KLHL1: variants seen among roughly 807,000 people sequenced by gnomAD.
The protein encoded by KLHL1 is kelch like family member 1.
KLHL1 carries 47 observed loss-of-function variants against 77.7 expected under a neutral mutation model. The observed-to-expected ratio is 0.60, with a 90% confidence interval of 0.48 to 0.77. The LOEUF (loss-of-function observed/expected upper bound fraction) is 0.77, where lower values mean the gene tolerates loss of function less well. Ranked by LOEUF, KLHL1 falls within the 30% of genes least tolerant of loss-of-function variation. The probability of loss-of-function intolerance (pLI) is 0.00; values close to 1 mark genes in which losing one functional copy is unlikely to be tolerated. For missense variants in KLHL1, 925 were observed against 910.8 expected, an observed-to-expected ratio of 1.02 and a Z score of -0.20; for synonymous variants, 360 against 325.2, an observed-to-expected ratio of 1.11 and a Z score of -1.15.
rs967995542 is a variant in KLHL1, at chr13:70,108,040, G to A, written c.-341C>T. ...GCGAGGTGGGACAACCCTTAGGCTG[G>A]AGATGCGCGAGGGAGGGAGGTCTGA... On this transcript the variant is annotated 5_prime_UTR_variant, in exon 1 of 11. Coordinates refer to ENST00000377844, the MANE Select transcript of KLHL1 (RefSeq NM_020866.3). 2.8e-5 allele frequency: 12 copies of A among 427,088 alleles called. No homozygotes were observed. Among genetic ancestry groups the A allele is most frequent in the African/African-American group, 2.4e-4 (12 of 49,084 alleles). The allele number at this position is 427,088 out of a possible 1,614,324, so 26.5% of individuals were successfully genotyped here.
At chr13:70,071,083 A>C (rs747580619) in intron 1 of KLHL1, among the ~76,000 whole-genome samples, 2 of 152,062 alleles carry the variant, frequency 1.3e-5, no homozygotes, top group African/African-American at 2.4e-5. Flanking sequence ...TTTAAATATG[A>C]ATATTCTAAA....
At chr13:69,972,529 A>G (rs1242853653) in intron 2 of KLHL1, among the ~76,000 whole-genome samples, 2 of 151,924 alleles carry the variant, frequency 1.3e-5, no homozygotes. Flanking sequence ...ATCTGTTGAT[A>G]CATTTCAGAA....
Position 69,975,684 on chromosome 13 carries a change from A to G in KLHL1, c.616T>C (p.Leu206=), listed in dbSNP as rs748280993. 28 of 1,613,728 alleles carry G rather than the reference A, an allele frequency of 1.7e-5. No homozygotes were observed. Among genetic ancestry groups the G allele is most frequent in the East Asian group, 2.2e-5 (1 of 44,824 alleles). ...ACATCACAAAGTTGCTGCTGCTTCA[A>G]ATAACTTTCCATCTTTCTGAAGGTT... ...EQTFRKMESY[L]KQQQLCDVIL... Residue 206 remains leucine (L), a synonymous_variant, in exon 2 of 11, where the codon TTG becomes CTG. Transcript: ENST00000377844.
chr13:69,853,795 TGTTTC>T (rs993031148), intron 5 of KLHL1, among the ~76,000 whole-genome samples: 2 of 152,078 alleles, frequency 1.3e-5, no homozygotes, highest in African/African-American at 2.4e-5. Context: ...GTTTTTGTTT[TGTTTC>T]ATTTTTGCAT....
chr13:70,105,687 G>A lies in KLHL1; in HGVS notation c.497+1516C>T, dbSNP rs564892445. ...TCAACAAAAGGGTATAAAAATTTCAGTACATTTGATTTTTTAAATTATAAA... is the reference window on the plus strand; with the variant it reads ...TCAACAAAAGGGTATAAAAATTTCAATACATTTGATTTTTTAAATTATAAA... On this transcript the variant is annotated intron_variant, in intron 1 of 10. Transcript: ENST00000377844. Among the ~76,000 whole-genome samples, 3 of 151,172 alleles carry A rather than the reference G, an allele frequency of 2.0e-5. No homozygotes were observed. In the East Asian group the frequency reaches 5.9e-4, roughly 30 times the overall value.
intron 5 of KLHL1, among the ~76,000 whole-genome samples, chr13:69,870,529 C>T (rs888972101): frequency 6.6e-6 from 1 of 151,868 alleles, no homozygotes; most frequent in African/African-American, 2.4e-5. Context: ...ATCATCATGC[C>T]ACCCCAATTC....
chr13:69,894,624 A>G (rs1881563542), intron 4 of KLHL1: 1 of 158,794 alleles, frequency 6.3e-6, no homozygotes, highest in African/African-American at 2.4e-5. Flanking sequence ...TAATTCTAAA[A>G]AAGTTCAAAG....
intron 1 of KLHL1, among the ~76,000 whole-genome samples, chr13:70,100,061 T>A (rs1887888854): frequency 6.6e-6 from 1 of 152,022 alleles, no homozygotes; most frequent in African/African-American, 2.4e-5. Flanking sequence ...AATAAACTCA[T>A]CAATTTGTAA....
chr13:69,901,075 C>T (rs1396828507), intron 4 of KLHL1, among the ~76,000 whole-genome samples: 1 of 152,150 alleles, frequency 6.6e-6, no homozygotes, highest in East Asian at 1.9e-4. Flanking sequence ...AAACAAGAAA[C>T]TCATGTCATA....
At chr13:69,998,062 T>A (rs879645274) in intron 1 of KLHL1, among the ~76,000 whole-genome samples, 1 of 151,926 alleles carries the variant, frequency 6.6e-6, no homozygotes, top group Non-Finnish European at 1.5e-5. Context: ...AATTTTACAC[T>A]AAGAAAAAGG....
At chr13:70,099,868 TAAC>T (rs1477351941) in intron 1 of KLHL1, among the ~76,000 whole-genome samples, 2 of 152,022 alleles carry the variant, frequency 1.3e-5, no homozygotes, top group Non-Finnish European at 2.9e-5. Flanking sequence ...ATATGACTAT[TAAC>T]AAATTTATTT....
At chr13:69,740,589 T>C (rs373392271) in intron 7 of KLHL1, 33 bp from the exon 8 acceptor site, 14 of 1,510,948 alleles carry the variant, frequency 9.3e-6, no homozygotes. Context: ...GTAGTGCCTA[T>C]AGTTAATATC....
chr13:69,779,348 C>T (rs911505753), intron 7 of KLHL1, among the ~76,000 whole-genome samples: 7 of 151,718 alleles, frequency 4.6e-5, no homozygotes, highest in African/African-American at 1.7e-4. Flanking sequence ...TTCCTTCCCT[C>T]CTCTTTTTTC....
intron 7 of KLHL1, among the ~76,000 whole-genome samples, chr13:69,750,945 C>G (rs888575016): frequency 2.0e-5 from 3 of 151,956 alleles, no homozygotes; most frequent in Admixed American, 2.0e-4. Flanking sequence ...GGTCCAGACA[C>G]AGAGATGTTT....
intron 7 of KLHL1, among the ~76,000 whole-genome samples, chr13:69,766,737 C>G (rs111396501): frequency 6.6e-6 from 1 of 151,986 alleles, no homozygotes; most frequent in Non-Finnish European, 1.5e-5. Flanking sequence ...GGATTAGATT[C>G]TCTTAATGAT....
At chr13:70,011,367 T>C (rs571355830) in intron 1 of KLHL1, among the ~76,000 whole-genome samples, 1 of 152,244 alleles carries the variant, frequency 6.6e-6, no homozygotes, top group East Asian at 1.9e-4. Context: ...ATATAGAAAG[T>C]TTAGTATTTT....
rs35184766 is a variant in KLHL1 at position 70,039,056 on chromosome 13, ATTTTT to A, written c.498-63259_498-63255del. Among the ~76,000 whole-genome samples, 198 of 124,686 alleles carry A rather than the reference ATTTTT, an allele frequency of 1.6e-3. 1 individual carries two copies. Among genetic ancestry groups the A allele is most frequent in the Middle Eastern group, 0.01 (2 of 196 alleles). 81.8% of individuals were successfully genotyped at this position (124,686 alleles called of 152,430 possible). ...CTCTTATTCCATATATCCTTTGCAC[ATTTTT>A]TTTTTTTTTTTTTTGTAATGGACAG... On this transcript the variant is annotated intron_variant, in intron 1 of 10. Transcript: ENST00000377844.
intron 1 of KLHL1, among the ~76,000 whole-genome samples, chr13:70,066,165 T>A (rs187376490): frequency 6.6e-6 from 1 of 152,226 alleles, no homozygotes; most frequent in Admixed American, 6.5e-5. Context: ...TGCTTTTTAC[T>A]GTCTGCACTG....
chr13:69,706,034 CATTA>C lies in KLHL1; in HGVS notation c.2187+1587_2187+1590del, dbSNP rs1035144136. Among the ~76,000 whole-genome samples the C allele has an allele frequency of 1.1e-3, 170 of 151,802 alleles. 2 individuals carry two copies. Among genetic ancestry groups the C allele is most frequent in the Admixed American group, 0.011 (163 of 15,172 alleles). Reference sequence around the variant, plus strand: ...TACATTTCCTTAGCAAGTCAGCAATCATTAATTAATGCATGCAGGGTTTGCTTTG... The same window carrying C: ...TACATTTCCTTAGCAAGTCAGCAATCATTAATGCATGCAGGGTTTGCTTTG... On this transcript the variant is annotated intron_variant, in intron 10 of 10. Coordinates refer to ENST00000377844, the MANE Select transcript of KLHL1 (RefSeq NM_020866.3).
Sources: gnomAD v4.1 joint callset for allele counts (sites outside exome capture counted in the v4.1 genomes callset) on GRCh38, gnomAD v4.1.1 for gene constraint, MANE v1.5 for transcripts, NCBI Gene and HGNC (gene_info 2026-07-23, HGNC 2026-07-21) for gene names.